B3GALT1: variants seen among roughly 807,000 people sequenced by gnomAD.
B3GALT1 encodes the protein UDP-Gal:betaGlcNAc beta 1,3-galactosyltransferase, polypeptide 1.
B3GALT1 carries 10 observed loss-of-function variants against 23.2 expected under a neutral mutation model. The observed-to-expected ratio is 0.43, with a 90% CI of 0.27 to 0.73. B3GALT1 has a LOEUF of 0.73. Among genes scored for constraint, B3GALT1 ranks in the 30% least tolerant of loss-of-function variants. The probability of loss-of-function intolerance (pLI) is 0.21; values close to 1 mark genes in which losing one functional copy is unlikely to be tolerated. For missense variants in B3GALT1, 299 were observed against 405.4 expected (o/e 0.74, Z 2.25); for synonymous variants, 156 against 141.5 (o/e 1.10, Z -0.73).
intron 1 of B3GALT1, among the ~76,000 whole-genome samples, chr2:167,354,241 A>G (rs1166634153): frequency 1.3e-5 from 2 of 152,172 alleles, no homozygotes; most frequent in Admixed American, 6.5e-5. Context: ...TAAAATAGCT[A>G]AAGTCTCTCT....
chr2:167,532,260 A>G (rs1683338481), intron 2 of B3GALT1, among the ~76,000 whole-genome samples: 1 of 152,162 alleles, frequency 6.6e-6, no homozygotes. Context: ...TTCACCAGCC[A>G]TTTAATTTTA....
intron 2 of B3GALT1, among the ~76,000 whole-genome samples, chr2:167,529,606 C>T (rs1243125696): frequency 6.6e-6 from 1 of 151,518 alleles, no homozygotes; most frequent in Non-Finnish European, 1.5e-5. Context: ...ATGAGCACCA[C>T]CGTCAGCTGT....
At chr2:167,847,959 C>T (rs1689796377) in intron 4 of B3GALT1, among the ~76,000 whole-genome samples, 1 of 152,056 alleles carries the variant, frequency 6.6e-6, no homozygotes, top group Non-Finnish European at 1.5e-5. Context: ...CTACTATGAA[C>T]ACCTTTGCAT....
chr2:167,602,266 G>T (rs1451506134), intron 2 of B3GALT1, among the ~76,000 whole-genome samples: 2 of 152,148 alleles, frequency 1.3e-5, no homozygotes, highest in Non-Finnish European at 2.9e-5. Flanking sequence ...TGTACAGAGA[G>T]CTGCAGCTAT....
chr2:167,699,228 TTTTG>T (rs1312586326), intron 3 of B3GALT1, among the ~76,000 whole-genome samples: 2 of 151,996 alleles, frequency 1.3e-5, no homozygotes, highest in African/African-American at 4.8e-5. Context: ...TAATAATTGA[TTTTG>T]TTTTTTTCTC....
chr2:167,383,329 A>C (rs1697871096), intron 1 of B3GALT1, among the ~76,000 whole-genome samples: 1 of 152,128 alleles, frequency 6.6e-6, no homozygotes, highest in South Asian at 2.1e-4. Context: ...AGGAGCTCCA[A>C]AGAAAGTCAA....
At chr2:167,754,611 A>G in intron 3 of B3GALT1, among the ~76,000 whole-genome samples, 1 of 152,194 alleles carries the variant, frequency 6.6e-6, no homozygotes, top group African/African-American at 2.4e-5. Context: ...TTAGAGTACC[A>G]AAAGAGAGGA....
chr2:167,806,252 C>T (rs1688750529), intron 3 of B3GALT1, among the ~76,000 whole-genome samples: 1 of 152,102 alleles, frequency 6.6e-6, no homozygotes, highest in Non-Finnish European at 1.5e-5. Flanking sequence ...GTTTTCTAGA[C>T]ATACAATCAT....
chr2:167,424,705 A>T (rs1267088756), intron 1 of B3GALT1, among the ~76,000 whole-genome samples: 1 of 152,188 alleles, frequency 6.6e-6, no homozygotes, highest in African/African-American at 2.4e-5. Flanking sequence ...ATATTTCTAT[A>T]ACTGACAATG....
At chr2:167,602,831 T>G (rs1199691170) in intron 2 of B3GALT1, among the ~76,000 whole-genome samples, 3 of 152,178 alleles carry the variant, frequency 2.0e-5, no homozygotes, top group African/African-American at 7.2e-5. Context: ...AATCAATCTA[T>G]TTTTAGAGAT....
At position 167,351,955 on chromosome 2, in the gene B3GALT1, ATTTTTTT is replaced by A. The variant is rs71031283; in HGVS notation, c.-511+58638_-511+58644del. Among the ~76,000 whole-genome samples the A allele has an allele frequency of 5.2e-5, 7 of 134,308 alleles. No individual in the cohort carries two copies. In the East Asian group the frequency reaches 6.6e-4, roughly 13 times the overall value. 88.1% of individuals were successfully genotyped at this position (134,308 alleles called of 152,430 possible). On this transcript the variant is annotated intron_variant, in intron 1 of 4. Coordinates refer to ENST00000392690, the MANE Select transcript of B3GALT1 (RefSeq NM_020981.4). ...CTGTGAAAGGAGAAGGCTGTTTTTG[ATTTTTTT>A]TTTTTTTTTTTTTTTTGAGTCAGAG...
chr2:167,561,812 C>A (rs1167242503), intron 2 of B3GALT1, among the ~76,000 whole-genome samples: 2 of 152,146 alleles, frequency 1.3e-5, no homozygotes, highest in African/African-American at 2.4e-5. Flanking sequence ...TGGCAATAAT[C>A]AACAGCTTAC....
chr2:167,869,339 G>T lies in B3GALT1; in HGVS notation c.300G>T (p.Thr100=). The T allele has an allele frequency of 6.2e-7, 1 of 1,614,134 alleles. No homozygotes were observed. The highest frequency in any genetic ancestry group is 8.5e-7 in the Non-Finnish European group (1 of 1,180,014). ...EFDARQAIRE[T]WGDENNFKGI... is the part of the protein sequence containing the mutation. ...ATGCCCGTCAGGCAATCAGAGAGAC[G>T]TGGGGGGATGAGAACAACTTTAAGG... Residue 100 remains threonine (T), a synonymous_variant, in exon 5 of 5, where the codon ACG becomes ACT. Coordinates refer to ENST00000392690, the MANE Select transcript of B3GALT1 (RefSeq NM_020981.4). This position sits in a 1 kb window ranked among gnomAD's most constrained non-coding sequence, Gnocchi z 6.4.
chr2:167,514,636 T>G (rs965074216), intron 2 of B3GALT1, among the ~76,000 whole-genome samples: 3 of 152,224 alleles, frequency 2.0e-5, no homozygotes, highest in Non-Finnish European at 4.4e-5. Flanking sequence ...TTCTATATAC[T>G]AAAGTTTAAT....
At chr2:167,499,807 C>A (rs1699827947) in intron 2 of B3GALT1, among the ~76,000 whole-genome samples, 1 of 152,050 alleles carries the variant, frequency 6.6e-6, no homozygotes, top group Non-Finnish European at 1.5e-5. Flanking sequence ...TTCTTCCTTT[C>A]CCCAGTAAAG....
chr2:167,428,738 G>C (rs1481951534), intron 1 of B3GALT1, among the ~76,000 whole-genome samples: 3 of 152,182 alleles, frequency 2.0e-5, no homozygotes, highest in Middle Eastern at 3.4e-3. Context: ...AAGCAAAGGT[G>C]ATGTTTACTT....
At chr2:167,704,052 G>A (rs527365677) in intron 3 of B3GALT1, among the ~76,000 whole-genome samples, 12 of 152,056 alleles carry the variant, frequency 7.9e-5, no homozygotes, top group Admixed American at 6.6e-4. Flanking sequence ...GTGGTATCAG[G>A]CGCCTGTAGT....
At chr2:167,303,682 C>CACACAGAGAGAG (rs535369991) in intron 1 of B3GALT1, among the ~76,000 whole-genome samples, 5 of 148,724 alleles carry the variant, frequency 3.4e-5, no homozygotes, top group South Asian at 2.2e-4. Context: ...CACACACACA[C>CACACAGAGAGAG]AGAGAGAGAC....
chr2:167,820,862 G>T (rs912985551), intron 4 of B3GALT1, among the ~76,000 whole-genome samples: 2 of 152,184 alleles, frequency 1.3e-5, no homozygotes, highest in African/African-American at 4.8e-5. Context: ...CAGGCTGCCT[G>T]CCTCAGGCTG....
Sources: allele counts gnomAD v4.1 joint callset (sites outside exome capture counted in the v4.1 genomes callset), GRCh38; gene constraint gnomAD v4.1.1; non-coding constraint Gnocchi (gnomAD v3.1); transcripts MANE v1.5; gene names NCBI Gene and HGNC (gene_info 2026-07-23, HGNC 2026-07-21).